ZFAT: variants seen among roughly 807,000 people sequenced by gnomAD.
ZFAT encodes the protein zinc finger protein ZFAT.
ZFAT carries 64 observed loss-of-function variants against 117.7 expected under a neutral mutation model. The ratio of observed to expected loss-of-function variants is 0.54; its 90% CI spans 0.44 to 0.67. ZFAT has a LOEUF of 0.67. Ranked by LOEUF, ZFAT falls within the 30% of genes least tolerant of loss-of-function variation. The pLI, the probability that ZFAT is intolerant of heterozygous loss-of-function variation, is 0.00. For missense variants in ZFAT, 1,433 were observed against 1,584.5 expected (o/e 0.90, Z 1.62); for synonymous variants, 679 against 615.0 (o/e 1.10, Z -1.54).
the ZFAT span, among the ~76,000 whole-genome samples, chr8:134,815,977 T>C: frequency 1.6e-4 from 24 of 152,348 alleles, no homozygotes; most frequent in African/African-American, 5.0e-4. Flanking sequence ...TCTGTAAGAA[T>C]AGGAATGTTG....
chr8:134,618,042 C>T (rs1364957816), intron 3 of ZFAT, among the ~76,000 whole-genome samples: 1 of 152,082 alleles, frequency 6.6e-6, no homozygotes, highest in East Asian at 1.9e-4. Context: ...TTTTCTCTTG[C>T]CACCACCATG....
chr8:134,507,839 TC>T (rs1819528642), intron 15 of ZFAT, among the ~76,000 whole-genome samples: 1 of 152,194 alleles, frequency 6.6e-6, no homozygotes, highest in Non-Finnish European at 1.5e-5. Context: ...TATGAAACAT[TC>T]AAAGTCCTCC....
At chr8:134,668,182 C>T (rs1272678303) in intron 1 of ZFAT, among the ~76,000 whole-genome samples, 1 of 152,230 alleles carries the variant, frequency 6.6e-6, no homozygotes, top group Non-Finnish European at 1.5e-5. Context: ...CCTCTGGGGG[C>T]AGGACATAGC....
rs373294743 is a variant in ZFAT, at chr8:134,646,378, C to CA, written c.197-8667dup. ...TAGAAATACTTTGAGATGAACAAAA[C>CA]AAAAACACAACATACCAAAACTTAT... is the stretch of plus-strand genomic sequence containing the variant. On this transcript the variant is annotated intron_variant, in intron 2 of 15. Coordinates refer to ENST00000377838, the MANE Select transcript of ZFAT (RefSeq NM_020863.4). 6.2e-4 allele frequency among the ~76,000 whole-genome samples: 94 copies of CA among 151,866 alleles called. 1 individual carries two copies. Among genetic ancestry groups the CA allele is most frequent in the African/African-American group, 2.1e-3 (88 of 41,476 alleles).
intron 13 of ZFAT, among the ~76,000 whole-genome samples, chr8:134,515,324 C>A (rs1025347090): frequency 6.6e-6 from 1 of 152,146 alleles, no homozygotes; most frequent in African/African-American, 2.4e-5. Flanking sequence ...GGTATATGCC[C>A]AGTAATGGGA....
At chr8:134,607,434 C>A (rs1369661836) in intron 5 of ZFAT, among the ~76,000 whole-genome samples, 1 of 152,246 alleles carries the variant, frequency 6.6e-6, no homozygotes, top group Non-Finnish European at 1.5e-5. Context: ...CTTATTCTCA[C>A]TACTAAACTA....
intron 5 of ZFAT, among the ~76,000 whole-genome samples, chr8:134,605,473 G>C (rs554804348): frequency 1.3e-5 from 2 of 151,968 alleles, no homozygotes; most frequent in Admixed American, 6.5e-5. Flanking sequence ...GTGAACCCAG[G>C]GGGTGGAGCT....
At chr8:134,578,646 G>C (rs551636323) in intron 10 of ZFAT, among the ~76,000 whole-genome samples, 164 of 152,236 alleles carry the variant, frequency 1.1e-3, no homozygotes, top group African/African-American at 3.7e-3. Context: ...GACTTGTGGG[G>C]ACCAGGAGAG....
the ZFAT span, among the ~76,000 whole-genome samples, chr8:134,730,182 C>G: frequency 6.6e-6 from 1 of 152,220 alleles, no homozygotes. Flanking sequence ...GAGGGTGAAG[C>G]CTGCACTCTC....
chr8:134,697,551 C>A (rs549658803), intron 1 of ZFAT, among the ~76,000 whole-genome samples: 1 of 150,274 alleles, frequency 6.7e-6, no homozygotes, highest in East Asian at 2.1e-4. Flanking sequence ...CACGGCGAAA[C>A]CCCGTCTCTA....
At chr8:134,737,640 A>G in the ZFAT span, among the ~76,000 whole-genome samples, 13,564 of 152,254 alleles carry the variant, frequency 0.089, 1,653 homozygotes, top group African/African-American at 0.28. Flanking sequence ...CTGCCCAGCT[A>G]GGTCAGGGGT....
At chr8:134,781,034 T>A in the ZFAT span, among the ~76,000 whole-genome samples, 8 of 152,192 alleles carry the variant, frequency 5.3e-5, no homozygotes, top group African/African-American at 1.9e-4. Flanking sequence ...TTGTGGGGTT[T>A]TTTTTGGATG....
chr8:134,795,919 C>G, the ZFAT span: 1 of 152,152 alleles, frequency 6.6e-6, no homozygotes, highest in African/African-American at 2.4e-5. Flanking sequence ...TTTAATTCAG[C>G]ATGTCAAAGC....
At chr8:134,762,365 C>G in the ZFAT span, among the ~76,000 whole-genome samples, 1 of 152,228 alleles carries the variant, frequency 6.6e-6, no homozygotes, top group African/African-American at 2.4e-5. Flanking sequence ...TCTAAGCCAT[C>G]TTTCTTTCCC....
At chr8:134,605,652 T>C (rs759780855) in intron 5 of ZFAT, among the ~76,000 whole-genome samples, 90 of 151,966 alleles carry the variant, frequency 5.9e-4, no homozygotes, top group Non-Finnish European at 1.3e-4. Flanking sequence ...AAAGAAAGAA[T>C]ACAAAATTCA....
intron 15 of ZFAT, among the ~76,000 whole-genome samples, chr8:134,482,793 C>T (rs963954892): frequency 4.6e-5 from 7 of 152,194 alleles, no homozygotes; most frequent in African/African-American, 1.4e-4. Flanking sequence ...CCAAGTCCTG[C>T]GAAGAGCAGG....
chr8:134,701,918 G>T (rs1834017924), intron 1 of ZFAT, among the ~76,000 whole-genome samples: 1 of 152,198 alleles, frequency 6.6e-6, no homozygotes, highest in Non-Finnish European at 1.5e-5. Flanking sequence ...TGAGAGGTGG[G>T]GCCTTTAAGA....
intron 11 of ZFAT, among the ~76,000 whole-genome samples, chr8:134,540,887 C>G (rs958586403): frequency 3.9e-5 from 6 of 152,116 alleles, no homozygotes; most frequent in African/African-American, 1.4e-4. Context: ...GGTATTTGTT[C>G]ATCTTGATTT....
the ZFAT span, among the ~76,000 whole-genome samples, chr8:134,806,446 C>CA: frequency 1.3e-5 from 2 of 152,130 alleles, no homozygotes; most frequent in Admixed American, 1.3e-4. Flanking sequence ...TTTACAACAA[C>CA]AACTATTCAA....
Sources: allele counts gnomAD v4.1 joint callset (sites outside exome capture counted in the v4.1 genomes callset), GRCh38; gene constraint gnomAD v4.1.1; transcripts MANE v1.5; gene names NCBI Gene and HGNC (gene_info 2026-07-23, HGNC 2026-07-21).